SGCZ: variants seen among roughly 807,000 people sequenced by gnomAD.
The protein encoded by SGCZ is zeta-sarcoglycan.
A neutral mutation model predicts 41.3 loss-of-function variants in SGCZ; 40 were observed. That is an observed-to-expected ratio of 0.97 (90% confidence interval 0.75 to 1.26). SGCZ has a LOEUF of 1.26. SGCZ is among the 50% of genes most tolerant of loss of function. The pLI is 0.00. For synonymous variants in SGCZ, 206 were observed against 137.5 expected, an observed-to-expected ratio of 1.50 and a Z score of -3.49; for missense variants, 552 against 369.8, an observed-to-expected ratio of 1.49 and a Z score of -4.04.
At chr8:14,777,372 G>A (rs1001067342) in intron 1 of SGCZ, among the ~76,000 whole-genome samples, 2 of 152,064 alleles carry the variant, frequency 1.3e-5, no homozygotes, top group African/African-American at 2.4e-5. Flanking sequence ...AAAAAAATAC[G>A]TCAGTATTTT....
intron 2 of SGCZ, among the ~76,000 whole-genome samples, chr8:14,446,476 A>G (rs750815916): frequency 4.6e-5 from 7 of 152,206 alleles, no homozygotes; most frequent in Admixed American, 1.3e-4. Context: ...TAAATTGTAT[A>G]GAGATTCATT....
intron 1 of SGCZ, among the ~76,000 whole-genome samples, chr8:15,007,763 C>G (rs1218653106): frequency 6.6e-6 from 1 of 152,092 alleles, no homozygotes; most frequent in Non-Finnish European, 1.5e-5. Context: ...CATTAAAATA[C>G]TAATTGAAAT....
intron 1 of SGCZ, among the ~76,000 whole-genome samples, chr8:14,912,059 CTATTT>C (rs1799294945): frequency 7.0e-6 from 1 of 142,448 alleles, no homozygotes. Flanking sequence ...CTATTTGCAT[CTATTT>C]TATTTACACC....
intron 1 of SGCZ, among the ~76,000 whole-genome samples, chr8:15,108,553 G>C (rs766817852): frequency 2.0e-5 from 3 of 152,168 alleles, no homozygotes; most frequent in Non-Finnish European, 1.5e-5. Flanking sequence ...AAATGGGTAA[G>C]AAAGGGTTTT....
At chr8:14,318,490 A>G (rs565665600) in intron 3 of SGCZ, among the ~76,000 whole-genome samples, 36 of 152,100 alleles carry the variant, frequency 2.4e-4, no homozygotes, top group African/African-American at 8.7e-4. Context: ...CCATATCTCC[A>G]GAAACATATT....
At chr8:14,093,372 C>T (rs1357906335) in intron 7 of SGCZ, among the ~76,000 whole-genome samples, 1 of 152,068 alleles carries the variant, frequency 6.6e-6, no homozygotes, top group Non-Finnish European at 1.5e-5. Flanking sequence ...ACTCTGATGT[C>T]ATCCCCCACA....
intron 1 of SGCZ, among the ~76,000 whole-genome samples, chr8:15,125,217 A>T (rs924930332): frequency 1.3e-5 from 2 of 152,324 alleles, no homozygotes; most frequent in African/African-American, 4.8e-5. Flanking sequence ...ATTTTACTTT[A>T]GACTGAACAA....
chr8:14,158,514 C>T (rs1207089291), intron 5 of SGCZ, among the ~76,000 whole-genome samples: 3 of 152,096 alleles, frequency 2.0e-5, no homozygotes, highest in Non-Finnish European at 4.4e-5. Context: ...AGCAACCACC[C>T]TCACAGACAC....
At chr8:15,235,563 A>G (rs985693860) in intron 1 of SGCZ, among the ~76,000 whole-genome samples, 3 of 152,134 alleles carry the variant, frequency 2.0e-5, no homozygotes, top group Non-Finnish European at 2.9e-5. Flanking sequence ...CACTCTGGCT[A>G]TGAGGATCTC....
intron 2 of SGCZ, among the ~76,000 whole-genome samples, chr8:14,478,256 C>G (rs1343349262): frequency 6.6e-6 from 1 of 152,234 alleles, no homozygotes; most frequent in African/African-American, 2.4e-5. Flanking sequence ...TTTATAGCAG[C>G]TTTATTTGCC....
intron 1 of SGCZ, among the ~76,000 whole-genome samples, chr8:14,796,337 T>G (rs1033917751): frequency 6.6e-6 from 1 of 152,170 alleles, no homozygotes; most frequent in Non-Finnish European, 1.5e-5. Context: ...AGGCTGGTAT[T>G]GGAACTCCTG....
intron 3 of SGCZ, among the ~76,000 whole-genome samples, chr8:14,283,518 A>G (rs937543809): frequency 2.6e-5 from 4 of 152,198 alleles, no homozygotes; most frequent in Non-Finnish European, 4.4e-5. Context: ...TATATATATA[A>G]ATAAAAATCA....
intron 1 of SGCZ, among the ~76,000 whole-genome samples, chr8:15,215,545 G>T (rs1249138582): frequency 6.6e-6 from 1 of 152,158 alleles, no homozygotes; most frequent in Non-Finnish European, 1.5e-5. Context: ...GCCACTTAAA[G>T]ATTAGCTCAG....
At chr8:14,592,181 A>T (rs1485731776) in intron 1 of SGCZ, among the ~76,000 whole-genome samples, 1 of 152,182 alleles carries the variant, frequency 6.6e-6, no homozygotes, top group Non-Finnish European at 1.5e-5. Flanking sequence ...AACATAATTC[A>T]GACTACACAT....
chr8:14,268,266 C>T (rs991641422), intron 3 of SGCZ, among the ~76,000 whole-genome samples: 44 of 149,184 alleles, frequency 2.9e-4, no homozygotes, highest in Admixed American at 1.4e-3. Flanking sequence ...TTTGTATTGT[C>T]TTCCCTACTC....
intron 7 of SGCZ, among the ~76,000 whole-genome samples, chr8:14,091,331 T>C (rs1801683784): frequency 6.6e-6 from 1 of 152,072 alleles, no homozygotes. Flanking sequence ...GAATGATTTA[T>C]AATCCTTTGG....
rs1179957754 is a variant in SGCZ, at chr8:14,905,392, C to T, written c.39+332193G>A. 4.6e-5 allele frequency among the ~76,000 whole-genome samples: 7 copies of T among 151,902 alleles called. No homozygotes were observed. In the South Asian group the frequency reaches 6.2e-4, roughly 14 times the overall value. On this transcript the variant is annotated intron_variant, in intron 1 of 7. Transcript: ENST00000382080. ...AGAAAACTACGACATGACATCACAC[C>T]GCTTTCCAGGAAAACAATAAAGTCA...
chr8:14,518,947 C>T (rs1008776066), intron 2 of SGCZ, among the ~76,000 whole-genome samples: 3 of 149,122 alleles, frequency 2.0e-5, no homozygotes, highest in Non-Finnish European at 3.0e-5. Context: ...CACATGCCTG[C>T]GGTCCCAGAT....
chr8:14,591,629 T>A (rs1467984776), intron 1 of SGCZ, among the ~76,000 whole-genome samples: 1 of 152,118 alleles, frequency 6.6e-6, no homozygotes, highest in African/African-American at 2.4e-5. Flanking sequence ...ATTGATAACA[T>A]TAACATTTTT....
Sources: gnomAD v4.1 joint callset for allele counts (sites outside exome capture counted in the v4.1 genomes callset) on GRCh38, gnomAD v4.1.1 for gene constraint, MANE v1.5 for transcripts, NCBI Gene and HGNC (gene_info 2026-07-23, HGNC 2026-07-21) for gene names.